The following RORB variants were observed in gnomAD, a reference collection of about 807,000 sequenced individuals.
RORB encodes the protein RAR related orphan receptor B.
RORB carries 6 observed loss-of-function variants against 59.1 expected under a neutral mutation model. The ratio of observed to expected loss-of-function variants is 0.10; its 90% CI spans 0.06 to 0.20. The LOEUF (loss-of-function observed/expected upper bound fraction) is 0.20, where lower values mean the gene tolerates loss of function less well. RORB is among the 10% of genes least tolerant of loss of function. The pLI, the probability that RORB is intolerant of heterozygous loss-of-function variation, is 1.00. For synonymous variants in RORB, 215 were observed against 204.5 expected (o/e 1.05, Z -0.44); for missense variants, 320 against 560.5 (o/e 0.57, Z 4.33).
chr9:74,531,079 C>T (rs919684504), intron 1 of RORB, among the ~76,000 whole-genome samples: 1 of 151,866 alleles, frequency 6.6e-6, no homozygotes, highest in African/African-American at 2.4e-5. Context: ...TAGTACTCCC[C>T]CAATGATGCT....
chr9:74,536,246 G>A (rs555522883), intron 1 of RORB, among the ~76,000 whole-genome samples: 2 of 151,992 alleles, frequency 1.3e-5, no homozygotes, highest in South Asian at 2.1e-4. Flanking sequence ...AAGGGCGGGG[G>A]CTAAAATACT....
At chr9:74,663,857 G>C (rs972692758) in intron 6 of RORB, among the ~76,000 whole-genome samples, 7 of 152,060 alleles carry the variant, frequency 4.6e-5, no homozygotes, top group Non-Finnish European at 1.0e-4. Context: ...GAGAACACTA[G>C]GGTGTTCTCT....
chr9:74,654,590 G>C lies in RORB; in HGVS notation c.638-6027G>C, dbSNP rs1243516976. Among the ~76,000 whole-genome samples the C allele has an allele frequency of 2.6e-5, 4 of 152,104 alleles. No homozygotes were observed. The East Asian group carries it at 7.7e-4, about 29-fold the overall frequency. On this transcript the variant is annotated intron_variant, in intron 4 of 9. Transcript: ENST00000376896. ...ACCCTTAAGACTTCTAGGGAGGTTT[G>C]ACAATTTTAACAATATTTTAAAATA... is the stretch of plus-strand genomic sequence containing the variant.
intron 1 of RORB, among the ~76,000 whole-genome samples, chr9:74,581,962 A>C (rs942870689): frequency 6.6e-6 from 1 of 152,180 alleles, no homozygotes; most frequent in Non-Finnish European, 1.5e-5. Flanking sequence ...TAAAGTCTAT[A>C]CTCATGAAGT....
At chr9:74,524,840 T>A (rs1474112636) in intron 1 of RORB, among the ~76,000 whole-genome samples, 1 of 151,870 alleles carries the variant, frequency 6.6e-6, no homozygotes, top group East Asian at 1.9e-4. Context: ...TTCTTTAAAT[T>A]TGTTAAAAAT....
At chr9:74,547,487 T>C (rs145812240) in intron 1 of RORB, among the ~76,000 whole-genome samples, 82 of 152,298 alleles carry the variant, frequency 5.4e-4, no homozygotes, top group African/African-American at 1.8e-3. Flanking sequence ...ACAGCCAATT[T>C]GGGAAATTCT....
At chr9:74,553,438 A>G (rs1826642502) in intron 1 of RORB, among the ~76,000 whole-genome samples, 1 of 152,198 alleles carries the variant, frequency 6.6e-6, no homozygotes, top group Non-Finnish European at 1.5e-5. Context: ...CTCAAAGGCC[A>G]TATTTTATCA....
intron 4 of RORB, among the ~76,000 whole-genome samples, chr9:74,644,656 G>A (rs923453752): frequency 6.6e-6 from 1 of 152,074 alleles, no homozygotes; most frequent in African/African-American, 2.4e-5. Context: ...TTTTCAAGAG[G>A]GAAAAGGCAC....
chr9:74,540,271 A>G (rs567132942), intron 1 of RORB, among the ~76,000 whole-genome samples: 2 of 152,216 alleles, frequency 1.3e-5, no homozygotes, highest in East Asian at 1.9e-4. Context: ...CTGTGCCCCA[A>G]CCTGCCTCCT....
intron 5 of RORB, 83 bp downstream of exon 5, chr9:74,660,821 A>T: frequency 7.1e-7 from 1 of 1,410,464 alleles, no homozygotes; most frequent in African/African-American, 1.4e-5. Context: ...GGCATGTTGC[A>T]CTGGGCAATT....
At chr9:74,530,487 G>A (rs1477796835) in intron 1 of RORB, among the ~76,000 whole-genome samples, 2 of 151,954 alleles carry the variant, frequency 1.3e-5, no homozygotes, top group Admixed American at 1.3e-4. Flanking sequence ...ATCCAGAGAC[G>A]ATGGACCAAG....
At chr9:74,522,742 C>T (rs28672222) in intron 1 of RORB, among the ~76,000 whole-genome samples, 44,701 of 151,396 alleles carry the variant, frequency 0.3, 6,893 homozygotes, top group Admixed American at 0.39. Context: ...TTATTCTTCA[C>T]AAGGAACAAC....
chr9:74,512,994 G>A (rs1053981547), intron 1 of RORB, among the ~76,000 whole-genome samples: 2 of 152,152 alleles, frequency 1.3e-5, no homozygotes, highest in African/African-American at 4.8e-5. Context: ...TCTTTTGCAA[G>A]TCAGGTAGTT....
At chr9:74,501,676 A>C (rs896967549) in intron 1 of RORB, among the ~76,000 whole-genome samples, 2 of 152,230 alleles carry the variant, frequency 1.3e-5, no homozygotes, top group African/African-American at 4.8e-5. Context: ...TTAAATGGTT[A>C]CATCTAGCGA....
chr9:74,511,254 C>CA, intron 1 of RORB, among the ~76,000 whole-genome samples: 1 of 151,646 alleles, frequency 6.6e-6, no homozygotes, highest in Middle Eastern at 3.4e-3. Flanking sequence ...AAATGGTAAG[C>CA]AAAAAAGACA....
intron 1 of RORB, among the ~76,000 whole-genome samples, chr9:74,621,330 T>C (rs1823414193): frequency 6.6e-6 from 1 of 152,222 alleles, no homozygotes; most frequent in African/African-American, 2.4e-5. Flanking sequence ...GTTTTGCCCT[T>C]TGAAAAATAT....
intron 1 of RORB, among the ~76,000 whole-genome samples, chr9:74,607,309 A>G (rs1823163308): frequency 1.3e-5 from 2 of 152,152 alleles, no homozygotes; most frequent in South Asian, 4.1e-4. Context: ...CAGGGAAATG[A>G]CTTCAGACTG....
chr9:74,611,755 C>A (rs574906156), intron 1 of RORB, among the ~76,000 whole-genome samples: 1 of 152,328 alleles, frequency 6.6e-6, no homozygotes, highest in Non-Finnish European at 1.5e-5. Context: ...TCAAGCGATT[C>A]TCCTGCCTGA....
At chr9:74,666,574 AT>A (rs1824269828) in intron 7 of RORB, among the ~76,000 whole-genome samples, 4 of 151,176 alleles carry the variant, frequency 2.6e-5, no homozygotes, top group Non-Finnish European at 3.0e-5. Context: ...TTTCAACTTT[AT>A]TGCATATTGC....
Sources: allele counts gnomAD v4.1 joint callset (sites outside exome capture counted in the v4.1 genomes callset), GRCh38; gene constraint gnomAD v4.1.1; transcripts MANE v1.5; gene names NCBI Gene and HGNC (gene_info 2026-07-23, HGNC 2026-07-21).